KLHL24: variants seen among roughly 807,000 people sequenced by gnomAD.
KLHL24 encodes the protein kelch like family member 24.
A neutral mutation model predicts 53.4 loss-of-function variants in KLHL24; 29 were observed. The observed-to-expected ratio is 0.54, with a 90% CI of 0.40 to 0.74. The LOEUF is 0.74. Among genes scored for constraint, KLHL24 ranks in the 30% least tolerant of loss-of-function variants. The pLI, the probability that KLHL24 is intolerant of heterozygous loss-of-function variation, is 0.00. For synonymous variants in KLHL24, 222 were observed against 253.7 expected (o/e 0.88, Z 1.19); for missense variants, 504 against 744.0 (o/e 0.68, Z 3.75).
intron 2 of KLHL24, among the ~76,000 whole-genome samples, chr3:183,646,319 G>T (rs1312273803): frequency 7.6e-6 from 1 of 131,006 alleles, no homozygotes; most frequent in Admixed American, 9.1e-5. Flanking sequence ...CCGAGATTGT[G>T]CCACTGCACT....
rs562290931 is a variant in KLHL24 at position 183,663,284 on chromosome 3, A to T, written c.921-174A>T. 3.2e-4 allele frequency among the ~76,000 whole-genome samples: 48 copies of T among 152,296 alleles called. No homozygotes were observed. Among genetic ancestry groups the T allele is most frequent in the South Asian group, 1.9e-3 (9 of 4,830 alleles). On this transcript the variant is annotated intron_variant, in intron 3 of 7. Transcript: ENST00000242810. This position sits in a 1 kb window ranked among gnomAD's most constrained non-coding sequence, Gnocchi z 4.9. The stretch of plus-strand genomic sequence containing the variant: ...AATGATGTCACTAGCTCCCCTATAA[A>T]CGTTCTCAAAGTAAGTAATTTCCAG...
At chr3:183,639,834 A>G (rs1162350218) in intron 1 of KLHL24, among the ~76,000 whole-genome samples, 1 of 143,056 alleles carries the variant, frequency 7.0e-6, no homozygotes, top group Non-Finnish European at 1.5e-5. Flanking sequence ...TGAAACCCCC[A>G]TCTCCACTAA....
intron 2 of KLHL24, among the ~76,000 whole-genome samples, chr3:183,647,883 G>A (rs1370612655): frequency 6.6e-6 from 1 of 152,126 alleles, no homozygotes; most frequent in Non-Finnish European, 1.5e-5. Flanking sequence ...GCATGCGCCT[G>A]TAATCCCAGT....
chr3:183,661,786 TAAAAC>T (rs1168489229), intron 3 of KLHL24, among the ~76,000 whole-genome samples: 3 of 152,198 alleles, frequency 2.0e-5, no homozygotes, highest in Non-Finnish European at 4.4e-5. Context: ...AAGGAAAGGA[TAAAAC>T]AAAATCCTAT....
intron 1 of KLHL24, among the ~76,000 whole-genome samples, chr3:183,639,620 ACT>A (rs1716012183): frequency 8.0e-6 from 1 of 125,252 alleles, no homozygotes; most frequent in Admixed American, 8.9e-5. Context: ...ACAGAGCAAG[ACT>A]CTGTCTCAAA....
chr3:183,667,951 C>A (rs1371067677), intron 5 of KLHL24, among the ~76,000 whole-genome samples: 1 of 151,124 alleles, frequency 6.6e-6, no homozygotes, highest in Non-Finnish European at 1.5e-5. Flanking sequence ...GGGTTCAAGC[C>A]ATCCTCTTGC....
intron 3 of KLHL24, among the ~76,000 whole-genome samples, chr3:183,651,657 T>TA (rs34657278): frequency 1.3e-5 from 2 of 152,210 alleles, no homozygotes; most frequent in South Asian, 2.1e-4. Flanking sequence ...CCTCTACTTA[T>TA]AAAAAAACAA....
chr3:183,668,581 A>T (rs1720895775), intron 5 of KLHL24, among the ~76,000 whole-genome samples: 2 of 152,208 alleles, frequency 1.3e-5, no homozygotes, highest in Non-Finnish European at 2.9e-5. Context: ...AGTGTAACTT[A>T]GAAGTGTGTC....
At chr3:183,669,499 G>A (rs1187730061) in intron 5 of KLHL24, among the ~76,000 whole-genome samples, 1 of 152,210 alleles carries the variant, frequency 6.6e-6, no homozygotes, top group East Asian at 1.9e-4. Flanking sequence ...CCATATAGCT[G>A]TGTGGACTTT....
intron 3 of KLHL24, among the ~76,000 whole-genome samples, chr3:183,659,609 G>T (rs1335266137): frequency 6.6e-6 from 1 of 152,192 alleles, no homozygotes; most frequent in African/African-American, 2.4e-5. Context: ...AAGAAGACTG[G>T]AACAGGCTAC....
intron 5 of KLHL24, among the ~76,000 whole-genome samples, chr3:183,665,502 G>A (rs1467726424): frequency 3.3e-5 from 5 of 152,196 alleles, no homozygotes. Context: ...TGTAATCCCA[G>A]CACTTTGGGA....
intron 5 of KLHL24, among the ~76,000 whole-genome samples, chr3:183,666,908 T>C (rs1368874845): frequency 6.6e-6 from 1 of 152,120 alleles, no homozygotes; most frequent in Non-Finnish European, 1.5e-5. Context: ...AATGAACAAC[T>C]AAAAGCAGCA....
intron 1 of KLHL24, among the ~76,000 whole-genome samples, chr3:183,638,342 A>G (rs1427948824): frequency 6.6e-6 from 1 of 152,224 alleles, no homozygotes; most frequent in Non-Finnish European, 1.5e-5. Context: ...TGCTTTTTCA[A>G]TAACTTTTTT....
At chr3:183,668,792 C>T (rs973360033) in intron 5 of KLHL24, among the ~76,000 whole-genome samples, 3 of 152,066 alleles carry the variant, frequency 2.0e-5, no homozygotes, top group African/African-American at 7.2e-5. Flanking sequence ...GTAATCCCGG[C>T]TACTTGGGAG....
rs1489963396 is a variant in KLHL24, at chr3:183,651,101, C to A, written c.745C>A (p.His249Asn). Residue 249 changes from histidine to asparagine, a missense_variant, in exon 3 of 8, where the codon CAC becomes AAC. Coordinates refer to ENST00000242810, the MANE Select transcript of KLHL24 (RefSeq NM_017644.3). ...RAVDLRRPLLHELLTHVRLPL... is the reference protein window; with the variant it reads ...RAVDLRRPLLNELLTHVRLPL... ...CGTTGATCTGAGAAGACCACTGTTA[C>A]ACGAGCTCCTGACACATGTGAGACT... is the stretch of plus-strand genomic sequence containing the variant. The A allele has an allele frequency of 6.2e-6, 10 of 1,614,042 alleles. No homozygotes were observed. The highest frequency in any genetic ancestry group is 8.5e-6 in the Non-Finnish European group (10 of 1,180,020).
At chr3:183,666,546 G>A (rs1406891455) in intron 5 of KLHL24, among the ~76,000 whole-genome samples, 1 of 152,190 alleles carries the variant, frequency 6.6e-6, no homozygotes, top group Non-Finnish European at 1.5e-5. Flanking sequence ...ACAGGCATGA[G>A]CCACTGCACT....
intron 3 of KLHL24, among the ~76,000 whole-genome samples, chr3:183,653,418 C>A (rs1056122822): frequency 1.3e-5 from 2 of 152,198 alleles, no homozygotes; most frequent in African/African-American, 2.4e-5. Context: ...AGTGGATTAA[C>A]ATCTAAAGGC....
chr3:183,663,888 C>T lies in KLHL24; in HGVS notation c.1105+246C>T, dbSNP rs541290649. On this transcript the variant is annotated intron_variant, in intron 4 of 7. Coordinates refer to ENST00000242810, the MANE Select transcript of KLHL24 (RefSeq NM_017644.3). This position sits in a 1 kb window ranked among gnomAD's most constrained non-coding sequence, Gnocchi z 4.9. ...CAAGCAGATCACCGGGTCAGGAGAT[C>T]GAGACCATCCTGGCCAACATGGTGA... Among the ~76,000 whole-genome samples, 1 of 152,136 alleles carries T rather than the reference C, an allele frequency of 6.6e-6. No individual in the cohort carries two copies. The highest frequency in any genetic ancestry group is 2.1e-4 in the South Asian group (1 of 4,820).
intron 5 of KLHL24, among the ~76,000 whole-genome samples, chr3:183,665,718 C>G (rs1462300644): frequency 1.3e-5 from 2 of 151,866 alleles, no homozygotes; most frequent in East Asian, 3.9e-4. Context: ...CCACTGCACT[C>G]CAGCCTGGCA....
Sources: gnomAD v4.1 joint callset for allele counts (sites outside exome capture counted in the v4.1 genomes callset) on GRCh38, gnomAD v4.1.1 for gene constraint, Gnocchi (gnomAD v3.1) non-coding constraint, MANE v1.5 for transcripts, NCBI Gene and HGNC (gene_info 2026-07-23, HGNC 2026-07-21) for gene names.